Variants in ADAMTS9 observed in about 807,000 individuals in gnomAD.
ADAMTS9 encodes ADAM metallopeptidase with thrombospondin type 1 motif 9, also known as A disintegrin and metalloproteinase with thrombospondin motifs 9.
In ADAMTS9, 107 loss-of-function variants were observed where a neutral mutation model predicts 257.1. The observed-to-expected ratio is 0.42, with a 90% CI of 0.36 to 0.49. The LOEUF is 0.49. ADAMTS9 is among the 20% of genes least tolerant of loss of function. The pLI is 0.03. For synonymous variants in ADAMTS9, 982 were observed against 880.9 expected, an observed-to-expected ratio of 1.11 and a Z score of -2.03; for missense variants, 2,353 against 2,469.1, an observed-to-expected ratio of 0.95 and a Z score of 1.00.
intron 28 of ADAMTS9, chr3:64,587,533 A>T (rs752433074): frequency 5.9e-5 from 9 of 152,146 alleles, no homozygotes; most frequent in Non-Finnish European, 1.2e-4. Context: ...ACATGTGACT[A>T]GTGGCTTCCA....
At chr3:64,619,122 A>C (rs1700041149) in intron 19 of ADAMTS9, among the ~76,000 whole-genome samples, 1 of 152,206 alleles carries the variant, frequency 6.6e-6, no homozygotes, top group African/African-American at 2.4e-5. Flanking sequence ...ACATTCTATT[A>C]TTCGCAATGC....
At chr3:64,556,471 C>T (rs910477390) in intron 30 of ADAMTS9, among the ~76,000 whole-genome samples, 2 of 152,142 alleles carry the variant, frequency 1.3e-5, no homozygotes, top group Admixed American at 6.5e-5. Context: ...CAGGTCCATG[C>T]CACCATACTC....
chr3:64,589,754 G>A (rs896692906), intron 28 of ADAMTS9: 3 of 152,098 alleles, frequency 2.0e-5, no homozygotes, highest in Admixed American at 2.0e-4. Context: ...ATAGGCCTCC[G>A]GGTCATTTTT....
chr3:64,521,300 G>T (rs951281341), intron 39 of ADAMTS9, among the ~76,000 whole-genome samples: 1 of 152,126 alleles, frequency 6.6e-6, no homozygotes, highest in Non-Finnish European at 1.5e-5. Flanking sequence ...AAAGATAACA[G>T]ATATTGGTGA....
rs1700837581 is a variant in ADAMTS9 at position 64,647,955 on chromosome 3, C to G, written c.1695G>C (p.Glu565Asp). Residue 565 changes from glutamate to aspartate, a missense_variant, in exon 11 of 40, where the codon GAG becomes GAC. This residue lies in a region of ADAMTS9 where 360 missense variants were observed against 458.1 expected (regional missense o/e 0.79). Coordinates refer to ENST00000498707, the MANE Select transcript of ADAMTS9 (RefSeq NM_182920.2). ...CATTACTTGCCTTTCCAGGCTCGCA[C>G]TCCGTCCCATCGGCCCAGGGTGTGT... is the stretch of plus-strand genomic sequence containing the variant. ...TQHTPWADGT[E>D]CEPGKHCKYG... 7 of 1,613,876 alleles carry G rather than the reference C, an allele frequency of 4.3e-6. No homozygotes were observed. The highest frequency in any genetic ancestry group is 5.9e-6 in the Non-Finnish European group (7 of 1,179,918).
chr3:64,624,614 T>C (rs1700184761), intron 16 of ADAMTS9, among the ~76,000 whole-genome samples: 1 of 152,182 alleles, frequency 6.6e-6, no homozygotes. Flanking sequence ...TAAAATTGAC[T>C]CCCTTTCAGA....
rs961353127 is a variant in ADAMTS9, at chr3:64,654,686, G to A, written c.1170-74C>T. 3.2e-5 allele frequency: 49 copies of A among 1,528,344 alleles called. 1 individual carries two copies. Among genetic ancestry groups the A allele is most frequent in the Middle Eastern group, 3.4e-4 (2 of 5,886 alleles). The allele number at this position is 1,528,344 out of a possible 1,614,324, so 94.7% of individuals were successfully genotyped here. On this transcript the variant is annotated intron_variant, in intron 6 of 39. Coordinates refer to ENST00000498707, the MANE Select transcript of ADAMTS9 (RefSeq NM_182920.2). ...CAATACAAGTAAATACTTTAGGGTC[G>A]TCTAGGCATTCACAACAGTACACAC... is the stretch of plus-strand genomic sequence containing the variant.
At chr3:64,526,832 G>A (rs2082916963) in intron 38 of ADAMTS9, among the ~76,000 whole-genome samples, 1 of 152,082 alleles carries the variant, frequency 6.6e-6, no homozygotes, top group African/African-American at 2.4e-5. Context: ...CATAGTACTT[G>A]GCCTAATATA....
At chr3:64,543,968 C>T (rs373993752) in intron 32 of ADAMTS9, among the ~76,000 whole-genome samples, 2,450 of 152,262 alleles carry the variant, frequency 0.016, 139 homozygotes, top group Admixed American at 0.12. Flanking sequence ...TTCTTATACA[C>T]CAATAACAGA....
intron 19 of ADAMTS9, among the ~76,000 whole-genome samples, chr3:64,620,492 G>A (rs1214101338): frequency 6.6e-6 from 1 of 152,076 alleles, no homozygotes; most frequent in Non-Finnish European, 1.5e-5. Context: ...TGCAAGCCCC[G>A]ACTACTTAAT....
chr3:64,575,842 AT>A (rs138075725), intron 28 of ADAMTS9, among the ~76,000 whole-genome samples: 2,730 of 152,050 alleles, frequency 0.018, 85 homozygotes, highest in African/African-American at 0.058. Flanking sequence ...CAAATGGTAC[AT>A]TTTTTTTGCA....
chr3:64,648,068 A>G (rs1311252407), intron 10 of ADAMTS9, 24 bp from the exon 11 acceptor site: 8 of 1,586,184 alleles, frequency 5.0e-6, no homozygotes, highest in Non-Finnish European at 6.0e-6. Flanking sequence ...TGAAATGGCA[A>G]TTGAGTGACA....
At chr3:64,571,029 G>C (rs1256036350) in intron 28 of ADAMTS9, among the ~76,000 whole-genome samples, 1 of 152,152 alleles carries the variant, frequency 6.6e-6, no homozygotes, top group African/African-American at 2.4e-5. Context: ...TATATGTAGG[G>C]ACAGTCACTT....
In ADAMTS9 at chr3:64,554,839, A is replaced by G. The variant is rs192925302; in HGVS notation, c.4699-3777T>C. 6.1e-3 allele frequency among the ~76,000 whole-genome samples: 932 copies of G among 152,372 alleles called. 13 individuals are homozygous for G. Among genetic ancestry groups the G allele is most frequent in the African/African-American group, 0.021 (862 of 41,596 alleles). On this transcript the variant is annotated intron_variant, in intron 30 of 39. Transcript: ENST00000498707. ...CCGAATTTGAGGGTGAGGAAGACCT[A>G]AAGTAAACCCTGAAGGTGGTATTTT...
chr3:64,552,873 A>G (rs899820000), intron 30 of ADAMTS9, among the ~76,000 whole-genome samples: 2 of 151,992 alleles, frequency 1.3e-5, no homozygotes. Context: ...CTGTCTTTTA[A>G]AATGTCTAAT....
intron 28 of ADAMTS9, chr3:64,592,875 A>C (rs2084288731): frequency 6.6e-6 from 1 of 152,056 alleles, no homozygotes. Flanking sequence ...TGGTCTAGTG[A>C]ACTGGGTGAA....
chr3:64,665,879 T>C (rs1161765767), intron 3 of ADAMTS9, among the ~76,000 whole-genome samples: 3 of 152,198 alleles, frequency 2.0e-5, no homozygotes, highest in Non-Finnish European at 4.4e-5. Flanking sequence ...TTCCATCTTA[T>C]GGCTATTTTG....
At chr3:64,630,906 A>C (rs7636925) in intron 16 of ADAMTS9, among the ~76,000 whole-genome samples, 8 of 152,112 alleles carry the variant, frequency 5.3e-5, no homozygotes, top group Admixed American at 4.6e-4. Context: ...CATGCACCTC[A>C]GTTCAGTGAG....
intron 37 of ADAMTS9, 41 bp from the exon 38 acceptor site, chr3:64,533,311 G>C (rs756536831): frequency 8.3e-6 from 13 of 1,557,050 alleles, no homozygotes; most frequent in Non-Finnish European, 1.2e-5. Context: ...CAGTCCATGT[G>C]ATGTCCTCAA....
Sources: gnomAD v4.1 joint callset for allele counts (sites outside exome capture counted in the v4.1 genomes callset) on GRCh38, gnomAD v4.1.1 for gene constraint, gnomAD v4.1.1 regional missense constraint, MANE v1.5 for transcripts, NCBI Gene and HGNC (gene_info 2026-07-23, HGNC 2026-07-21) for gene names.